The following AHCYL2 variants were observed in gnomAD, a reference collection of about 807,000 sequenced individuals.
AHCYL2 encodes adenosylhomocysteinase like 2.
Under a neutral mutation model 81.4 loss-of-function variants are expected in AHCYL2, and 28 were observed. The ratio of observed to expected loss-of-function variants is 0.34; its 90% CI spans 0.25 to 0.47. The LOEUF (loss-of-function observed/expected upper bound fraction) is 0.47, where lower values mean the gene tolerates loss of function less well. Among genes scored for constraint, AHCYL2 ranks in the 20% least tolerant of loss-of-function variants. The pLI is 1.00. For synonymous variants in AHCYL2, 272 were observed against 290.2 expected (o/e 0.94, Z 0.64); for missense variants, 551 against 785.1 (o/e 0.70, Z 3.56).
At chr7:129,321,898 T>C (rs1309854006) in intron 1 of AHCYL2, among the ~76,000 whole-genome samples, 2 of 151,520 alleles carry the variant, frequency 1.3e-5, no homozygotes, top group Non-Finnish European at 2.9e-5. Flanking sequence ...GCCTCAGCTC[T>C]GCTAGTAGCT....
At chr7:129,266,071 C>T (rs1327755729) in intron 1 of AHCYL2, among the ~76,000 whole-genome samples, 1 of 152,144 alleles carries the variant, frequency 6.6e-6, no homozygotes. Context: ...CTACAGTGAC[C>T]TTCTGTAGGT....
At chr7:129,391,949 T>G (rs1298733262) in intron 4 of AHCYL2, among the ~76,000 whole-genome samples, 1 of 152,202 alleles carries the variant, frequency 6.6e-6, no homozygotes, top group Middle Eastern at 3.2e-3. Context: ...CTCTTGAATC[T>G]TTTTTGGCCT....
chr7:129,364,197 C>T (rs1794026961), intron 1 of AHCYL2, among the ~76,000 whole-genome samples: 1 of 152,144 alleles, frequency 6.6e-6, no homozygotes, highest in African/African-American at 2.4e-5. Context: ...CACTGCACCT[C>T]AGCCTGGATG....
chr7:129,416,981 A>T (rs1370887912), intron 12 of AHCYL2, among the ~76,000 whole-genome samples: 1 of 151,800 alleles, frequency 6.6e-6, no homozygotes, highest in Non-Finnish European at 1.5e-5. Flanking sequence ...AAACAAAATT[A>T]GTTGGGTGTG....
chr7:129,348,401 C>G (rs972396015), intron 1 of AHCYL2, among the ~76,000 whole-genome samples: 14 of 150,250 alleles, frequency 9.3e-5, no homozygotes, highest in South Asian at 6.5e-4. Flanking sequence ...TAACCCCCCC[C>G]CCACACACAC....
intron 1 of AHCYL2, among the ~76,000 whole-genome samples, chr7:129,369,528 C>T (rs911117885): frequency 7.5e-5 from 11 of 147,460 alleles, no homozygotes; most frequent in Admixed American, 2.7e-4. Context: ...TTCTTAATGT[C>T]GTTTCAGAAC....
intron 1 of AHCYL2, among the ~76,000 whole-genome samples, chr7:129,247,139 G>A (rs934966102): frequency 6.6e-6 from 1 of 152,180 alleles, no homozygotes; most frequent in Non-Finnish European, 1.5e-5. Context: ...TCATATAAAT[G>A]TAACTGGCAA....
At chr7:129,284,367 G>A (rs1251266567) in intron 1 of AHCYL2, among the ~76,000 whole-genome samples, 1 of 152,172 alleles carries the variant, frequency 6.6e-6, no homozygotes, top group African/African-American at 2.4e-5. Context: ...GGAGGCTGAG[G>A]TGGGCGGATC....
intron 4 of AHCYL2, among the ~76,000 whole-genome samples, chr7:129,394,672 C>T (rs142922877): frequency 1.5e-4 from 23 of 151,862 alleles, no homozygotes; most frequent in Non-Finnish European, 3.2e-4. Context: ...CTCAAACTCC[C>T]GACCCCAGGT....
chr7:129,414,175 C>T (rs553870174), intron 12 of AHCYL2, among the ~76,000 whole-genome samples: 1 of 152,134 alleles, frequency 6.6e-6, no homozygotes, highest in Non-Finnish European at 1.5e-5. Context: ...ACTGCGGTTT[C>T]TTCTTTTATC....
intron 1 of AHCYL2, among the ~76,000 whole-genome samples, chr7:129,231,405 T>G (rs910976474): frequency 3.3e-5 from 5 of 152,238 alleles, no homozygotes; most frequent in African/African-American, 1.2e-4. Flanking sequence ...AGTGAGTTTA[T>G]TATATCATTT....
At chr7:129,236,100 C>T (rs1457047296) in intron 1 of AHCYL2, among the ~76,000 whole-genome samples, 1 of 150,920 alleles carries the variant, frequency 6.6e-6, no homozygotes, top group African/African-American at 2.4e-5. Context: ...CAGCTCACTG[C>T]AACCTCCACT....
intron 1 of AHCYL2, among the ~76,000 whole-genome samples, chr7:129,373,725 G>A (rs1015390854): frequency 2.0e-5 from 3 of 152,120 alleles, no homozygotes; most frequent in Admixed American, 6.5e-5. Flanking sequence ...CAAGTTATCT[G>A]ACTTAAGTCA....
intron 1 of AHCYL2, among the ~76,000 whole-genome samples, chr7:129,252,336 A>G (rs757044407): frequency 6.6e-6 from 1 of 152,270 alleles, no homozygotes; most frequent in Non-Finnish European, 1.5e-5. Flanking sequence ...AGTATATAGC[A>G]ACATGATACT....
At chr7:129,379,279 C>CAA (rs200168015) in intron 1 of AHCYL2, among the ~76,000 whole-genome samples, 6 of 68,322 alleles carry the variant, frequency 8.8e-5, no homozygotes, top group African/African-American at 1.6e-4. Flanking sequence ...AAGTCCATCT[C>CAA]AAAAAAAAAA....
chr7:129,400,669 A>G (rs12540568), intron 6 of AHCYL2, among the ~76,000 whole-genome samples: 43,176 of 151,988 alleles, frequency 0.28, 7,550 homozygotes, highest in East Asian at 0.59. Context: ...GTGGCTGGTT[A>G]AAAAACAATA....
At chr7:129,294,164 G>C (rs765948575) in intron 1 of AHCYL2, among the ~76,000 whole-genome samples, 1 of 152,136 alleles carries the variant, frequency 6.6e-6, no homozygotes. Flanking sequence ...CAATTACTTT[G>C]TGTACCTATG....
chr7:129,361,095 C>A (rs1408004800), intron 1 of AHCYL2, among the ~76,000 whole-genome samples: 1 of 152,138 alleles, frequency 6.6e-6, no homozygotes, highest in Non-Finnish European at 1.5e-5. Flanking sequence ...TTTATTTTAA[C>A]AAGATCTTCA....
chr7:129,395,362 G>A (rs1795676506), intron 4 of AHCYL2, among the ~76,000 whole-genome samples: 1 of 152,168 alleles, frequency 6.6e-6, no homozygotes, highest in Non-Finnish European at 1.5e-5. Flanking sequence ...CTCAGTCTTA[G>A]GCAGACCTCT....
Sources: allele counts gnomAD v4.1 joint callset (sites outside exome capture counted in the v4.1 genomes callset), GRCh38; gene constraint gnomAD v4.1.1; transcripts MANE v1.5; gene names NCBI Gene and HGNC (gene_info 2026-07-23, HGNC 2026-07-21).